Variants in CEP164 observed in about 807,000 individuals in gnomAD.
CEP164 encodes centrosomal protein of 164 kDa.
CEP164 carries 162 observed loss-of-function variants against 182.7 expected under a neutral mutation model. The observed-to-expected ratio is 0.89, with a 90% CI of 0.78 to 1.01. The LOEUF is 1.01. Ranked by LOEUF, CEP164 falls within the 50% of genes least tolerant of loss-of-function variation. CEP164 has a pLI of 0.00. For missense variants in CEP164, 1,735 were observed against 1,790.4 expected, an observed-to-expected ratio of 0.97 and a Z score of 0.56; for synonymous variants, 661 against 690.0, an observed-to-expected ratio of 0.96 and a Z score of 0.66.
intron 13 of CEP164, 137 bp downstream of exon 13, chr11:117,382,005 T>G: frequency 4.2e-6 from 3 of 712,720 alleles, no homozygotes; most frequent in Non-Finnish European, 6.6e-6. Flanking sequence ...GGCGGGTTTG[T>G]AGCCTCAGCA....
In CEP164 at chr11:117,395,010, G is replaced by C. The variant is rs772535525; in HGVS notation, c.2844+7G>C. ...GGCTCTGCTGGAGGTCCAGGTGAGG[G>C]ATCTGCAGGAGTCCTTGACCTCAGA... On this transcript the variant is annotated splice_region_variant and intron_variant, in intron 22 of 32. Coordinates refer to ENST00000278935, the MANE Select transcript of CEP164 (RefSeq NM_014956.5). The C allele has an allele frequency of 1.9e-6, 3 of 1,614,050 alleles. No individual in the cohort carries two copies. The highest frequency in any genetic ancestry group is 1.1e-5 in the South Asian group (1 of 91,048).
chr11:117,362,403 G>A lies in CEP164; in HGVS notation c.553-1G>A, dbSNP rs2041099865. 6.2e-7 allele frequency: 1 copy of A among 1,610,736 alleles called. No homozygotes were observed. The highest frequency in any genetic ancestry group is 8.5e-7 in the Non-Finnish European group (1 of 1,178,032). On this transcript the variant is annotated splice_acceptor_variant, in intron 6 of 32. Transcript: ENST00000278935. LOFTEE classifies it high-confidence loss of function. The stretch of plus-strand genomic sequence containing the variant: ...TTTGACTGTCCTTCTCTATTTTGAA[G>A]CCTTCACAGGGTCTCAAGACCTCTG...
chr11:117,327,872 A>G lies in CEP164; in HGVS notation c.-130A>G, dbSNP rs1018374151. 5.3e-5 allele frequency: 8 copies of G among 152,246 alleles called. No homozygotes were observed. The East Asian group carries it at 1.4e-3, about 26-fold the overall frequency. 9.4% of individuals were successfully genotyped at this position (152,246 alleles called of 1,614,324 possible). ...AGTGTTTGTTGCGCGCTGCAGGGCA[A>G]CACCCCGGCGTCCCTGGAAGCTGGG... On this transcript the variant is annotated 5_prime_UTR_variant, in exon 1 of 33. Coordinates refer to ENST00000278935, the MANE Select transcript of CEP164 (RefSeq NM_014956.5).
intron 17 of CEP164, among the ~76,000 whole-genome samples, chr11:117,391,806 CCTG>C (rs577222186): frequency 2.6e-5 from 4 of 152,200 alleles, no homozygotes; most frequent in Non-Finnish European, 5.9e-5. Flanking sequence ...CTTCCCTACT[CCTG>C]CTGTAGTGTT....
rs377597884 is a variant in CEP164 at position 117,394,389 on chromosome 11, G to C, written c.2656G>C (p.Gly886Arg). The C allele has an allele frequency of 2.5e-6, 4 of 1,610,520 alleles. No individual in the cohort carries two copies. Among genetic ancestry groups the C allele is most frequent in the Non-Finnish European group, 3.4e-6 (4 of 1,178,624 alleles). ...GGCTGAGCTTCTGGGGCACCTGACC[G>C]GAGAGCTGGAGCGCCTGCAGAGGGC... is the stretch of plus-strand genomic sequence containing the variant. ...QRAELLGHLT[G>R]ELERLQRAHE... is the part of the protein sequence containing the mutation. Residue 886 changes from glycine (G) to arginine (R), a missense_variant, in exon 21 of 33, where the codon GGA becomes CGA. By Grantham distance (125) the Gly-to-Arg change is moderately radical. Coordinates refer to ENST00000278935, the MANE Select transcript of CEP164 (RefSeq NM_014956.5). This position sits in a 1 kb window ranked among gnomAD's most constrained non-coding sequence, Gnocchi z 4.0.
chr11:117,396,569 C>CT lies in CEP164; in HGVS notation c.3238dup (p.Ser1080PhefsTer27). ...CCCTAGAACCAGACCAAAGAGGTGT[C>CT]TTCTTCTCTCTCCCAGAGCAAGGAG... On this transcript the variant is annotated frameshift_variant, in exon 26 of 33. Transcript: ENST00000278935. LOFTEE classifies it high-confidence loss of function. 1 of 1,613,786 alleles carries CT rather than the reference C, an allele frequency of 6.2e-7. No homozygotes were observed. Among genetic ancestry groups the CT allele is most frequent in the Non-Finnish European group, 8.5e-7 (1 of 1,179,678 alleles).
chr11:117,336,587 G>C lies in CEP164; in HGVS notation c.-22+907G>C, dbSNP rs1420393170. On this transcript the variant is annotated intron_variant, in intron 2 of 32. Transcript: ENST00000278935. ...GAACCTCCAGGGCACCCAGTGTTGG[G>C]GGATATGGATTTGGCCCTGGCTGTC... is the stretch of plus-strand genomic sequence containing the variant. 10 of 1,488,006 alleles carry C rather than the reference G, an allele frequency of 6.7e-6. No homozygotes were observed. In the Admixed American group the frequency reaches 1.7e-4, roughly 26 times the overall value. The allele number at this position is 1,488,006 out of a possible 1,614,324, so 92.2% of individuals were successfully genotyped here.
intron 14 of CEP164, among the ~76,000 whole-genome samples, chr11:117,383,422 A>G (rs2043571276): frequency 6.6e-6 from 1 of 151,386 alleles, no homozygotes; most frequent in Non-Finnish European, 1.5e-5. Context: ...CTCTCAAACC[A>G]CTCACCCCAG....
rs538512575 is a variant in CEP164, at chr11:117,410,663, G to A, written c.4097-165G>A. On this transcript the variant is annotated intron_variant, in intron 30 of 32. Transcript: ENST00000278935. ...TAACCCAAATTGAAAAGTAGATTAA[G>A]TTTTAAAAATAAAATAAATAGGACC... 3.1e-5 allele frequency: 17 copies of A among 541,540 alleles called. No homozygotes were observed. In the East Asian group the frequency reaches 4.3e-4, roughly 14 times the overall value. 33.5% of individuals were successfully genotyped at this position (541,540 alleles called of 1,614,324 possible).
intron 9 of CEP164, 128 bp from the exon 10 acceptor site, chr11:117,373,623 A>G (rs770916093): frequency 7.8e-6 from 6 of 771,036 alleles, no homozygotes; most frequent in African/African-American, 5.2e-5. Flanking sequence ...TAGGTTTTCA[A>G]GAAGAGTGGA....
Position 117,387,224 on chromosome 11 carries a change from T to TC in CEP164, c.1751dup (p.Glu585ArgfsTer72). 1 of 1,613,950 alleles carries TC rather than the reference T, an allele frequency of 6.2e-7. No individual in the cohort carries two copies. ...GTAGGCGATCCACAGAGCCTGTGGC[T>TC]CCCCCAGAGCAGCTCTCAGAGGCTG... is the stretch of plus-strand genomic sequence containing the variant. On this transcript the variant is annotated frameshift_variant, in exon 15 of 33. Transcript: ENST00000278935. LOFTEE classifies it high-confidence loss of function.
rs1399088232 is a variant in CEP164 at position 117,411,831 on chromosome 11, A to G, written c.4200A>G (p.Gln1400=). 3 of 1,614,146 alleles carry G rather than the reference A, an allele frequency of 1.9e-6. No homozygotes were observed. The highest frequency in any genetic ancestry group is 2.5e-6 in the Non-Finnish European group (3 of 1,180,020). The change falls in exon 32 of 33, where the codon CAA becomes CAG. Residue 1400 remains glutamine, a synonymous_variant. Coordinates refer to ENST00000278935, the MANE Select transcript of CEP164 (RefSeq NM_014956.5). The surrounding 1 kb of genome is among the most constrained non-coding windows in gnomAD (Gnocchi z 4.4). The part of the protein sequence containing the change: ...QLRLLQHSHS[Q]VPEAGSTTFQ... ...GGCTCCTACAGCACTCCCATTCGCAAGTCCCTGAGGCGGGCAGCACCACCT... is the reference window on the plus strand; with the variant it reads ...GGCTCCTACAGCACTCCCATTCGCAGGTCCCTGAGGCGGGCAGCACCACCT...
In CEP164 at chr11:117,360,217, T is replaced by TTATA. The variant is rs1177881642; in HGVS notation, c.394-1616_394-1613dup. On this transcript the variant is annotated intron_variant, in intron 5 of 32. Coordinates refer to ENST00000278935, the MANE Select transcript of CEP164 (RefSeq NM_014956.5). ...TGTCTCCCAGCCTGGAGTGCAGTGG[T>TTATA]TATATCTCACAGTGGTTCTATCTCA... Among the ~76,000 whole-genome samples, 3 of 152,218 alleles carry TTATA rather than the reference T, an allele frequency of 2.0e-5. No individual in the cohort carries two copies. In the East Asian group the frequency reaches 5.8e-4, roughly 29 times the overall value.
chr11:117,322,795 C>A (rs1467314602), intron 1 of CEP164, among the ~76,000 whole-genome samples: 6 of 59,744 alleles, frequency 1.0e-4, no homozygotes, highest in Non-Finnish European at 1.5e-4. Flanking sequence ...GAGATGGAGT[C>A]TTTTCTGTCA....
At chr11:117,384,407 C>T (rs569701214) in intron 14 of CEP164, among the ~76,000 whole-genome samples, 12 of 152,308 alleles carry the variant, frequency 7.9e-5, no homozygotes, top group African/African-American at 2.6e-4. Context: ...TTCCTGTCAC[C>T]TTGGTGGCTG....
At position 117,397,249 on chromosome 11, in the gene CEP164, A is replaced by G. The variant is rs759230987; in HGVS notation, c.3437A>G (p.Gln1146Arg). ...TGGCGCCATGAGCTGGCCAGTGCGC[A>G]GGAGGTGGCCAAAGACCCACCAGGC... ...QHWRHELASAQEVAKDPPGIK... is the reference protein window; with the variant it reads ...QHWRHELASAREVAKDPPGIK... Residue 1146 changes from glutamine to arginine, a missense_variant, in exon 27 of 33, where the codon CAG becomes CGG. Physicochemically the swap from Gln to Arg is conservative, Grantham distance 43 (BLOSUM62 1). Transcript: ENST00000278935. 2 of 1,614,084 alleles carry G rather than the reference A, an allele frequency of 1.2e-6. No homozygotes were observed. The highest frequency in any genetic ancestry group is 1.7e-6 in the Non-Finnish European group (2 of 1,180,050).
intron 5 of CEP164, chr11:117,356,047 C>T: frequency 1.8e-6 from 2 of 1,119,462 alleles, no homozygotes; most frequent in African/African-American, 1.6e-5. Flanking sequence ...CACACCTGGG[C>T]TCTCCTGTCC....
rs1478166996 is a variant in CEP164, at chr11:117,354,855, G to T, written c.393+2867G>T. The T allele has an allele frequency of 3.5e-6, 4 of 1,150,332 alleles. No homozygotes were observed. In the African/African-American group the frequency reaches 6.5e-5, roughly 19 times the overall value. 71.3% of individuals were successfully genotyped at this position (1,150,332 alleles called of 1,614,324 possible). On this transcript the variant is annotated intron_variant, in intron 5 of 32. Coordinates refer to ENST00000278935, the MANE Select transcript of CEP164 (RefSeq NM_014956.5). ...GAGGGTGGGTTTTTGCTGAGGGCTTGCCCAGGGCTGAGGTAGCAAGTGTAA... is the reference window on the plus strand; with the variant it reads ...GAGGGTGGGTTTTTGCTGAGGGCTTTCCCAGGGCTGAGGTAGCAAGTGTAA...
rs1379681842 is a variant in CEP164 at position 117,411,039 on chromosome 11, C to T, written c.4163+145C>T. ...GCAGGCCTCTAGTCCACAGAGCTGT[C>T]CCCGCTTGCCTGGGTCTGAGGCGCC... On this transcript the variant is annotated intron_variant, in intron 31 of 32. Coordinates refer to ENST00000278935, the MANE Select transcript of CEP164 (RefSeq NM_014956.5). This position sits in a 1 kb window ranked among gnomAD's most constrained non-coding sequence, Gnocchi z 4.4. 2.8e-6 allele frequency: 2 copies of T among 706,954 alleles called. No homozygotes were observed. Among genetic ancestry groups the T allele is most frequent in the Non-Finnish European group, 4.8e-6 (2 of 416,696 alleles). 43.8% of individuals were successfully genotyped at this position (706,954 alleles called of 1,614,324 possible). A position where few individuals can be genotyped will look rare whatever the true frequency, so the allele number is the denominator to read the frequency against.
Sources: gnomAD v4.1 joint callset for allele counts (sites outside exome capture counted in the v4.1 genomes callset) on GRCh38, gnomAD v4.1.1 for gene constraint, Gnocchi (gnomAD v3.1) non-coding constraint, MANE v1.5 for transcripts, NCBI Gene and HGNC (gene_info 2026-07-23, HGNC 2026-07-21) for gene names.